SPOCK3: variants seen among roughly 807,000 people sequenced by gnomAD.
SPOCK3 encodes the protein testican-3.
In SPOCK3, 30 loss-of-function variants were observed where a neutral mutation model predicts 56.6. The ratio of observed to expected loss-of-function variants is 0.53; its 90% CI spans 0.40 to 0.72. SPOCK3 has a LOEUF of 0.72. Among genes scored for constraint, SPOCK3 ranks in the 30% least tolerant of loss-of-function variants. The pLI is 0.00. For synonymous variants in SPOCK3, 196 were observed against 183.3 expected (o/e 1.07, Z -0.56); for missense variants, 527 against 530.0 (o/e 0.99, Z 0.06).
At chr4:167,038,944 C>G (rs1254893686) in intron 3 of SPOCK3, among the ~76,000 whole-genome samples, 1 of 152,002 alleles carries the variant, frequency 6.6e-6, no homozygotes, top group African/African-American at 2.4e-5. Context: ...GTATTCATTT[C>G]CTGGTACTGC....
At chr4:166,950,520 G>C (rs1742438681) in intron 4 of SPOCK3, among the ~76,000 whole-genome samples, 1 of 151,938 alleles carries the variant, frequency 6.6e-6, no homozygotes, top group South Asian at 2.1e-4. Context: ...ACATTAGACA[G>C]ATCAATGAGA....
intron 3 of SPOCK3, among the ~76,000 whole-genome samples, chr4:167,048,429 C>CA (rs1753912668): frequency 6.6e-6 from 1 of 151,896 alleles, no homozygotes; most frequent in Non-Finnish European, 1.5e-5. Flanking sequence ...CAGACATGCC[C>CA]AATATATATT....
chr4:167,049,654 G>A (rs912312486), intron 3 of SPOCK3, among the ~76,000 whole-genome samples: 2 of 152,080 alleles, frequency 1.3e-5, no homozygotes, highest in Admixed American at 1.3e-4. Flanking sequence ...TATATTATCA[G>A]ATGAATGCTA....
chr4:166,819,741 G>C (rs1744729837), intron 6 of SPOCK3, among the ~76,000 whole-genome samples: 1 of 151,190 alleles, frequency 6.6e-6, no homozygotes, highest in Non-Finnish European at 1.5e-5. Flanking sequence ...TCATGAATTG[G>C]AAGACTCTTT....
intron 9 of SPOCK3, among the ~76,000 whole-genome samples, chr4:166,738,238 T>TTGTG (rs112051649): frequency 2.0e-5 from 3 of 150,130 alleles, no homozygotes; most frequent in African/African-American, 4.9e-5. Flanking sequence ...GTGTGTGTGT[T>TTGTG]TGTGTGTGTG....
intron 2 of SPOCK3, among the ~76,000 whole-genome samples, chr4:167,072,537 A>G (rs1756781769): frequency 6.6e-6 from 1 of 152,006 alleles, no homozygotes; most frequent in Non-Finnish European, 1.5e-5. Flanking sequence ...CTCTATTTCC[A>G]TGTAGGAAAC....
At chr4:167,035,099 G>A (rs1752617829) in intron 3 of SPOCK3, among the ~76,000 whole-genome samples, 1 of 152,096 alleles carries the variant, frequency 6.6e-6, no homozygotes, top group African/African-American at 2.4e-5. Context: ...AAATAAGGGA[G>A]TAACTCTGCC....
intron 7 of SPOCK3, among the ~76,000 whole-genome samples, chr4:166,783,609 C>T (rs1161792809): frequency 1.3e-5 from 2 of 152,112 alleles, no homozygotes; most frequent in Non-Finnish European, 2.9e-5. Context: ...ACTTAACACT[C>T]ATTAATGTCT....
intron 6 of SPOCK3, among the ~76,000 whole-genome samples, chr4:166,842,251 C>T (rs749595698): frequency 2.0e-5 from 3 of 152,214 alleles, no homozygotes; most frequent in African/African-American, 4.8e-5. Flanking sequence ...GTTGCTTTTG[C>T]TGGCTCTGGC....
At chr4:166,823,919 G>A (rs1197918827) in intron 6 of SPOCK3, among the ~76,000 whole-genome samples, 1 of 151,898 alleles carries the variant, frequency 6.6e-6, no homozygotes, top group Admixed American at 6.6e-5. Context: ...TACCTTCCTG[G>A]TTTGCATAAT....
intron 6 of SPOCK3, among the ~76,000 whole-genome samples, chr4:166,844,755 T>C (rs1747879365): frequency 6.6e-6 from 1 of 152,234 alleles, no homozygotes. Context: ...TATATCTATA[T>C]CTATCTATGT....
At chr4:166,982,497 A>G (rs1033663798) in intron 4 of SPOCK3, among the ~76,000 whole-genome samples, 2 of 152,186 alleles carry the variant, frequency 1.3e-5, no homozygotes, top group African/African-American at 4.8e-5. Flanking sequence ...GCTTGCAGTG[A>G]GCCAAGATCG....
At chr4:166,754,852 C>T (rs1736867965) in intron 7 of SPOCK3, 123 bp from the exon 8 acceptor site, 3 of 777,798 alleles carry the variant, frequency 3.9e-6, no homozygotes, top group Non-Finnish European at 6.2e-6. Flanking sequence ...AGAAGTAGAG[C>T]ATTAAATTCA....
chr4:167,033,124 A>T (rs933116777), intron 3 of SPOCK3, among the ~76,000 whole-genome samples: 2 of 151,978 alleles, frequency 1.3e-5, no homozygotes, highest in Middle Eastern at 3.4e-3. Context: ...TGACATCATC[A>T]TTATCATAAA....
Position 166,737,496 on chromosome 4 carries a change from C to G in SPOCK3, c.1103G>C (p.Gly368Ala), listed in dbSNP as rs1388510720. The G allele has an allele frequency of 4.3e-6, 7 of 1,613,178 alleles. No homozygotes were observed. In the Admixed American group the frequency reaches 1.2e-4, roughly 27 times the overall value. The change falls in exon 10 of 11, where the codon GGA becomes GCA. Residue 368 changes from glycine (G) to alanine (A), a missense_variant. Transcript: ENST00000357545. ...ATCTGCAACACCATTTATTCTGGATCCCATGACTTCATTTCCATATCTGTC... is the reference window on the plus strand; with the variant it reads ...ATCTGCAACACCATTTATTCTGGATGCCATGACTTCATTTCCATATCTGTC... ...CVDRYGNEVM[G>A]SRINGVADCA...
At chr4:166,766,998 G>C (rs1738175637) in intron 7 of SPOCK3, among the ~76,000 whole-genome samples, 1 of 152,158 alleles carries the variant, frequency 6.6e-6, no homozygotes, top group South Asian at 2.1e-4. Context: ...AGTATTCTTT[G>C]ATGGTAGTTT....
At chr4:167,061,573 T>C (rs1397534694) in intron 3 of SPOCK3, among the ~76,000 whole-genome samples, 3 of 152,080 alleles carry the variant, frequency 2.0e-5, no homozygotes, top group Middle Eastern at 3.4e-3. Context: ...TTGGTTGTTG[T>C]AGCAGTCACC....
chr4:167,181,136 A>G (rs1306383723), intron 2 of SPOCK3, among the ~76,000 whole-genome samples: 1 of 152,126 alleles, frequency 6.6e-6, no homozygotes, highest in Non-Finnish European at 1.5e-5. Context: ...TCTGAAATCT[A>G]TATCCCTACT....
intron 2 of SPOCK3, among the ~76,000 whole-genome samples, chr4:167,160,492 A>G (rs1295663541): frequency 6.6e-6 from 1 of 152,160 alleles, no homozygotes; most frequent in Non-Finnish European, 1.5e-5. Context: ...ATTCAATGCC[A>G]TCCCCATCAA....
Sources: gnomAD v4.1 joint callset for allele counts (sites outside exome capture counted in the v4.1 genomes callset) on GRCh38, gnomAD v4.1.1 for gene constraint, MANE v1.5 for transcripts, NCBI Gene and HGNC (gene_info 2026-07-23, HGNC 2026-07-21) for gene names.